WEE2: variants seen among roughly 807,000 people sequenced by gnomAD.
WEE2 encodes WEE2 oocyte meiosis inhibiting kinase, also known as wee1-like protein kinase 2.
A neutral mutation model predicts 60.1 loss-of-function variants in WEE2; 50 were observed. That is an observed-to-expected ratio of 0.83 (90% confidence interval 0.66 to 1.05). The LOEUF (loss-of-function observed/expected upper bound fraction) is 1.05. WEE2 is among the 50% of genes least tolerant of loss of function. The pLI is 0.00. For synonymous variants in WEE2, 240 were observed against 241.0 expected (o/e 1.00, Z 0.04); for missense variants, 631 against 684.3 (o/e 0.92, Z 0.87).
intron 7 of WEE2, 54 bp from the exon 8 acceptor site, chr7:141,724,136 C>T: frequency 1.9e-6 from 3 of 1,581,708 alleles, no homozygotes; most frequent in Admixed American, 1.8e-5. Flanking sequence ...GAAAGACATG[C>T]TTTTAAAGCT....
At chr7:141,714,438 C>A in intron 2 of WEE2, 33 bp downstream of exon 2, 1 of 1,516,198 alleles carries the variant, frequency 6.6e-7, no homozygotes, top group Non-Finnish European at 9.0e-7. Flanking sequence ...CTTTTGAGAA[C>A]TGACCCTACT....
At chr7:141,718,519 C>T (rs1798847525) in intron 3 of WEE2, among the ~76,000 whole-genome samples, 1 of 152,058 alleles carries the variant, frequency 6.6e-6, no homozygotes, top group Non-Finnish European at 1.5e-5. Flanking sequence ...GGAGTGGTTG[C>T]TAGACCTGAG....
chr7:141,720,642 A>G (rs1434536128), intron 4 of WEE2, among the ~76,000 whole-genome samples: 1 of 152,158 alleles, frequency 6.6e-6, no homozygotes, highest in East Asian at 1.9e-4. Flanking sequence ...TACATATGCC[A>G]TGTTAAAATA....
intron 8 of WEE2, among the ~76,000 whole-genome samples, chr7:141,724,753 T>C (rs1344202088): frequency 6.6e-6 from 1 of 152,214 alleles, no homozygotes; most frequent in Non-Finnish European, 1.5e-5. Context: ...TCCCTTCCTG[T>C]GATCAGCCAA....
In WEE2 at chr7:141,731,182, T is replaced by G. The variant is rs1381884335; in HGVS notation, c.*862T>G. On this transcript the variant is annotated 3_prime_UTR_variant, in exon 12 of 12. Coordinates refer to ENST00000397541, the MANE Select transcript of WEE2 (RefSeq NM_001105558.1). Reference sequence around the variant, plus strand: ...AGTGAATGCAACCTGTTAATGATAATGGCTTTTTCGCTGCTTGATTTTCTT... The same window carrying G: ...AGTGAATGCAACCTGTTAATGATAAGGGCTTTTTCGCTGCTTGATTTTCTT... 6.6e-6 allele frequency: 1 copy of G among 152,232 alleles called. No homozygotes were observed. The highest frequency in any genetic ancestry group is 2.4e-5 in the African/African-American group (1 of 41,458). 9.4% of individuals were successfully genotyped at this position (152,232 alleles called of 1,614,324 possible). A position where few individuals can be genotyped will look rare whatever the true frequency, so the allele number is the denominator to read the frequency against.
intron 1 of WEE2, among the ~76,000 whole-genome samples, chr7:141,712,632 T>A (rs569305845): frequency 1.3e-5 from 2 of 152,278 alleles, no homozygotes; most frequent in Admixed American, 6.5e-5. Flanking sequence ...GCTCACAAAT[T>A]CTCTTGGCCC....
intron 2 of WEE2, among the ~76,000 whole-genome samples, chr7:141,715,355 A>C (rs993440957): frequency 6.6e-6 from 1 of 152,178 alleles, no homozygotes; most frequent in African/African-American, 2.4e-5. Context: ...TTGTAGCGTC[A>C]TTTGGTGCTT....
At chr7:141,716,138 A>G (rs902340799) in intron 2 of WEE2, 84 bp from the exon 3 acceptor site, 4 of 1,169,396 alleles carry the variant, frequency 3.4e-6, no homozygotes, top group Non-Finnish European at 4.9e-6. Context: ...TGTCTTATTT[A>G]CTCTTACATC....
chr7:141,712,586 T>C (rs1798725230), intron 1 of WEE2, among the ~76,000 whole-genome samples: 2 of 152,214 alleles, frequency 1.3e-5, no homozygotes, highest in Admixed American at 1.3e-4. Flanking sequence ...ATAACGACTA[T>C]ATTAACATAA....
chr7:141,716,977 AG>A (rs1270664839), intron 3 of WEE2, among the ~76,000 whole-genome samples: 5 of 152,326 alleles, frequency 3.3e-5, no homozygotes, highest in Admixed American at 6.5e-5. Context: ...ACAGCAAAAA[AG>A]GGGGGAGACC....
Position 141,727,411 on chromosome 7 carries a change from G to C in WEE2, c.1500G>C (p.Leu500=). The change falls in exon 10 of 12, where the codon CTG becomes CTC. Residue 500 remains leucine (L), a synonymous_variant. Transcript: ENST00000397541. ...LGKTEELQQQ[L]NLEKFKTATL... ...AAACAGAAGAGCTCCAACAGCAGCTGAATTTGGAAAAGTTCAAGACTGCCA... is the reference window on the plus strand; with the variant it reads ...AAACAGAAGAGCTCCAACAGCAGCTCAATTTGGAAAAGTTCAAGACTGCCA... 1 of 1,614,168 alleles carries C rather than the reference G, an allele frequency of 6.2e-7. No individual in the cohort carries two copies. Among genetic ancestry groups the C allele is most frequent in the Non-Finnish European group, 8.5e-7 (1 of 1,180,038 alleles).
Position 141,708,956 on chromosome 7 carries a change from C to G in WEE2, c.198C>G (p.Leu66=). ...CTCCCCTTAGCAACGTGCATGAGCTCGACACATCTTCGGAAAAAGACAAAG... is the reference window on the plus strand; with the variant it reads ...CTCCCCTTAGCAACGTGCATGAGCTGGACACATCTTCGGAAAAAGACAAAG... The part of the protein sequence containing the change: ...PWTPLSNVHE[L]DTSSEKDKES... The change falls in exon 1 of 12, where the codon CTC becomes CTG. Residue 66 remains leucine (L), a synonymous_variant. Coordinates refer to ENST00000397541, the MANE Select transcript of WEE2 (RefSeq NM_001105558.1). 3.7e-6 allele frequency: 6 copies of G among 1,614,058 alleles called. No homozygotes were observed. The highest frequency in any genetic ancestry group is 5.1e-6 in the Non-Finnish European group (6 of 1,180,000).
chr7:141,724,298 G>A (rs1322165551), intron 8 of WEE2, 23 bp downstream of exon 8: 6 of 1,582,464 alleles, frequency 3.8e-6, no homozygotes, highest in Middle Eastern at 3.4e-4. Flanking sequence ...GAAATGGAGG[G>A]TATTTTATAA....
chr7:141,719,028 C>T lies in WEE2; in HGVS notation c.586-44C>T, dbSNP rs1375468631. ...TACTGTTTAATTTTATTGCTTACAA[C>T]ATGGTAGAATTACTCTAATTTCCTT... is the stretch of plus-strand genomic sequence containing the variant. On this transcript the variant is annotated intron_variant, in intron 3 of 11. Transcript: ENST00000397541. The T allele has an allele frequency of 4.4e-6, 7 of 1,584,576 alleles. No homozygotes were observed. The African/African-American group carries it at 6.8e-5, about 15-fold the overall frequency.
At chr7:141,718,859 G>C (rs1028722337) in intron 3 of WEE2, among the ~76,000 whole-genome samples, 2 of 152,040 alleles carry the variant, frequency 1.3e-5, no homozygotes, top group African/African-American at 2.4e-5. Context: ...GTCAGTATAG[G>C]GTTGTACAGA....
chr7:141,719,029 A>G (rs1477396486), intron 3 of WEE2, 43 bp from the exon 4 acceptor site: 2 of 1,588,494 alleles, frequency 1.3e-6, no homozygotes, highest in South Asian at 1.1e-5. Context: ...TGCTTACAAC[A>G]TGGTAGAATT....
intron 3 of WEE2, 88 bp downstream of exon 3, chr7:141,716,355 C>T: frequency 1.6e-6 from 2 of 1,223,366 alleles, no homozygotes. Flanking sequence ...CCCTCTCTCT[C>T]CTCCCTCCTC....
At position 141,723,118 on chromosome 7, in the gene WEE2, T is replaced by C. The variant is rs1798948302; in HGVS notation, c.881-16T>C. 1.2e-6 allele frequency: 2 copies of C among 1,613,864 alleles called. No individual in the cohort carries two copies. Among genetic ancestry groups the C allele is most frequent in the Non-Finnish European group, 1.7e-6 (2 of 1,179,900 alleles). On this transcript the variant is annotated splice_polypyrimidine_tract_variant and intron_variant, in intron 5 of 11. Transcript: ENST00000397541. The stretch of plus-strand genomic sequence containing the variant: ...AGACTCATACTGTGGGGCTGTTCTC[T>C]GTTGTTCTTTCCCAGGTGGGAGTTT...
Position 141,730,904 on chromosome 7 carries a change from T to C in WEE2, c.*584T>C, listed in dbSNP as rs901084493. On this transcript the variant is annotated 3_prime_UTR_variant, in exon 12 of 12. Transcript: ENST00000397541. Reference sequence around the variant, plus strand: ...AGGAAGAGAATACTGTATTTTTAAATAAAGGTTTTTATCTTGTCCAAAGCC... The same window carrying C: ...AGGAAGAGAATACTGTATTTTTAAACAAAGGTTTTTATCTTGTCCAAAGCC... 2 of 152,216 alleles carry C rather than the reference T, an allele frequency of 1.3e-5. No individual in the cohort carries two copies. Among genetic ancestry groups the C allele is most frequent in the Admixed American group, 6.5e-5 (1 of 15,282 alleles). The allele number at this position is 152,216 out of a possible 1,614,324, so 9.4% of individuals were successfully genotyped here.
Sources: gnomAD v4.1 joint callset for allele counts (sites outside exome capture counted in the v4.1 genomes callset) on GRCh38, gnomAD v4.1.1 for gene constraint, MANE v1.5 for transcripts, NCBI Gene and HGNC (gene_info 2026-07-23, HGNC 2026-07-21) for gene names.